The following RNF14 variants were observed in gnomAD, a reference collection of about 807,000 sequenced individuals.
RNF14 encodes ring finger protein 14, also known as E3 ubiquitin-protein ligase RNF14.
RNF14 carries 26 observed loss-of-function variants against 52.6 expected under a neutral mutation model. The observed-to-expected ratio is 0.49, with a 90% CI of 0.36 to 0.69. RNF14 has a LOEUF of 0.69. Ranked by LOEUF, RNF14 falls within the 30% of genes least tolerant of loss-of-function variation. The pLI is 0.00. For missense variants in RNF14, 404 were observed against 560.4 expected, an observed-to-expected ratio of 0.72 and a Z score of 2.82; for synonymous variants, 194 against 202.0, an observed-to-expected ratio of 0.96 and a Z score of 0.34.
chr5:141,961,974 A>G (rs570205626), upstream of RNF14, among the ~76,000 whole-genome samples: 14 of 152,254 alleles, frequency 9.2e-5, no homozygotes, highest in African/African-American at 3.1e-4. Flanking sequence ...TTGCCACAGC[A>G]TCACCACCAA....
chr5:141,964,849 A>G (rs1596650442), upstream of RNF14, among the ~76,000 whole-genome samples: 1 of 144,334 alleles, frequency 6.9e-6, no homozygotes, highest in Non-Finnish European at 1.5e-5. Context: ...CTGGTCTCAA[A>G]CTCCTGATCT....
chr5:141,956,159 C>T, upstream of RNF14: 2 of 1,614,206 alleles, frequency 1.2e-6, no homozygotes, highest in South Asian at 1.1e-5. Flanking sequence ...GGCTGGACCA[C>T]CTCTGGGGCA....
intron 6 of RNF14, among the ~76,000 whole-genome samples, chr5:141,981,287 A>C (rs575715921): frequency 3.3e-5 from 5 of 152,252 alleles, no homozygotes; most frequent in Admixed American, 3.3e-4. Flanking sequence ...GTCAAATCTA[A>C]TAAAAATTTA....
intron 6 of RNF14, 149 bp from the exon 7 acceptor site, chr5:141,983,231 A>G: frequency 3.3e-6 from 2 of 606,398 alleles, no homozygotes; most frequent in Admixed American, 3.6e-5. Context: ...TGTTATATGC[A>G]TCTCCATGCA....
At chr5:141,982,958 A>C (rs1444867233) in intron 6 of RNF14, among the ~76,000 whole-genome samples, 1 of 152,220 alleles carries the variant, frequency 6.6e-6, no homozygotes. Context: ...TCAAAATCAA[A>C]GGAAAAAAAT....
At chr5:141,963,560 G>C (rs569678573), upstream of RNF14, among the ~76,000 whole-genome samples, 1 of 152,226 alleles carries the variant, frequency 6.6e-6, no homozygotes, top group East Asian at 1.9e-4. Context: ...AGATCGAACT[G>C]TTTTACACGA....
upstream of RNF14, chr5:141,955,580 T>G (rs17854226): frequency 1.9e-6 from 3 of 1,614,114 alleles, no homozygotes; most frequent in Non-Finnish European, 2.5e-6. This position sits in a 1 kb window ranked among gnomAD's most constrained non-coding sequence, Gnocchi z 5.5. Context: ...TGGCGGTAGG[T>G]GGACTCGGCC....
upstream of RNF14, chr5:141,958,171 A>C: frequency 3.3e-6 from 1 of 299,288 alleles, no homozygotes; most frequent in Non-Finnish European, 6.2e-6. Flanking sequence ...GTTGAGCAGG[A>C]TGTGGGACTC....
At chr5:141,965,846 G>A (rs1753333421), upstream of RNF14, among the ~76,000 whole-genome samples, 1 of 152,024 alleles carries the variant, frequency 6.6e-6, no homozygotes, top group Non-Finnish European at 1.5e-5. Flanking sequence ...AGGAGGGAGA[G>A]GATCAGGAAG....
At chr5:141,957,812 G>T (rs765559525), upstream of RNF14, 13 of 1,601,746 alleles carry the variant, frequency 8.1e-6, no homozygotes, top group South Asian at 1.3e-4. This position sits in a 1 kb window ranked among gnomAD's most constrained non-coding sequence, Gnocchi z 4.3. Flanking sequence ...TAGCCACCTG[G>T]CCCCAAAAGC....
intron 5 of RNF14, among the ~76,000 whole-genome samples, chr5:141,979,921 T>C (rs1376650188): frequency 6.6e-6 from 1 of 152,158 alleles, no homozygotes; most frequent in African/African-American, 2.4e-5. Flanking sequence ...TAAAATAAAT[T>C]GGACACTTTG....
chr5:141,956,650 C>A, upstream of RNF14: 1 of 1,614,202 alleles, frequency 6.2e-7, no homozygotes, highest in East Asian at 2.2e-5. Context: ...TCTTTTCAGC[C>A]TGAAGTGGCC....
rs1445669726 is a variant in RNF14, at chr5:141,982,116, G to A, written c.1064-1264G>A. Among the ~76,000 whole-genome samples the A allele has an allele frequency of 3.3e-5, 5 of 152,144 alleles. No homozygotes were observed. The East Asian group carries it at 7.7e-4, about 23-fold the overall frequency. On this transcript the variant is annotated intron_variant, in intron 6 of 8. Coordinates refer to ENST00000394520, the MANE Select transcript of RNF14 (RefSeq NM_004290.5). Reference sequence around the variant, plus strand: ...TAAAAGTCAACAGTACATTTCAAGTGTTTCACAGCATTCAGGGAAGAAATT... The same window carrying A: ...TAAAAGTCAACAGTACATTTCAAGTATTTCACAGCATTCAGGGAAGAAATT...
At chr5:141,966,202 A>G (rs1025442500), upstream of RNF14, among the ~76,000 whole-genome samples, 4 of 151,376 alleles carry the variant, frequency 2.6e-5, no homozygotes, top group African/African-American at 9.7e-5. Flanking sequence ...AATCGCTTGA[A>G]CCCTCTACCG....
At chr5:141,960,043 T>A (rs1753247461) in intron 1 of RNF14, among the ~76,000 whole-genome samples, 1 of 152,218 alleles carries the variant, frequency 6.6e-6, no homozygotes, top group Non-Finnish European at 1.5e-5. Flanking sequence ...GTCCCTTCAC[T>A]TTTTTCTTTG....
rs1381119135 is a variant in RNF14 at position 141,987,967 on chromosome 5, T to G, written c.*177T>G. ...CTACTGAAGAAGGTGCATTGATACA[T>G]TTTTAAATGTAAGTTGAGAAAAATT... On this transcript the variant is annotated 3_prime_UTR_variant, in exon 9 of 9. Coordinates refer to ENST00000394520, the MANE Select transcript of RNF14 (RefSeq NM_004290.5). 3.5e-6 allele frequency: 2 copies of G among 574,464 alleles called. No individual in the cohort carries two copies. Among genetic ancestry groups the G allele is most frequent in the Non-Finnish European group, 6.1e-6 (2 of 325,574 alleles). The allele number at this position is 574,464 out of a possible 1,614,324, so 35.6% of individuals were successfully genotyped here. A position where few individuals can be genotyped will look rare whatever the true frequency, so the allele number is the denominator to read the frequency against.
upstream of RNF14, among the ~76,000 whole-genome samples, chr5:141,968,313 G>T (rs917737991): frequency 6.6e-5 from 10 of 152,162 alleles, no homozygotes; most frequent in East Asian, 1.9e-3. Flanking sequence ...CACCATGTTG[G>T]TCAGGCTGGT....
intron 1 of RNF14, among the ~76,000 whole-genome samples, chr5:141,970,067 G>T (rs116322678): frequency 0.023 from 3,529 of 152,204 alleles, 75 homozygotes; most frequent in African/African-American, 0.059. Flanking sequence ...TTACACATCC[G>T]AGAATCTGGT....
intron 6 of RNF14, among the ~76,000 whole-genome samples, chr5:141,981,002 G>A (rs139407118): frequency 3.3e-5 from 5 of 152,128 alleles, no homozygotes; most frequent in East Asian, 1.9e-4. Flanking sequence ...TGTGTTTGCC[G>A]TTTCCAGTCT....
Sources: allele counts gnomAD v4.1 joint callset (sites outside exome capture counted in the v4.1 genomes callset), GRCh38; gene constraint gnomAD v4.1.1; non-coding constraint Gnocchi (gnomAD v3.1); transcripts MANE v1.5; gene names NCBI Gene and HGNC (gene_info 2026-07-23, HGNC 2026-07-21).